Variants in ASB7 observed in about 807,000 individuals in gnomAD.
The protein encoded by ASB7 is ankyrin repeat and SOCS box protein 7.
A neutral mutation model predicts 32.5 loss-of-function variants in ASB7; 4 were observed. That is an observed-to-expected ratio of 0.12 (90% confidence interval 0.06 to 0.28). ASB7 has a LOEUF of 0.28. Ranked by LOEUF, ASB7 falls within the 10% of genes least tolerant of loss-of-function variation. ASB7 has a pLI of 1.00. For synonymous variants in ASB7, 172 were observed against 155.6 expected (o/e 1.11, Z -0.78); for missense variants, 181 against 407.1 (o/e 0.44, Z 4.78).
intron 2 of ASB7, among the ~76,000 whole-genome samples, chr15:100,604,810 T>C (rs539343604): frequency 1.3e-5 from 2 of 152,186 alleles, no homozygotes; most frequent in Non-Finnish European, 2.9e-5. Flanking sequence ...AGGCTAATTT[T>C]TATTATGTAA....
intron 4 of ASB7, among the ~76,000 whole-genome samples, chr15:100,616,860 C>A (rs1325569867): frequency 1.3e-5 from 2 of 152,190 alleles, no homozygotes; most frequent in African/African-American, 4.8e-5. Flanking sequence ...GTAGTCCTGG[C>A]TTATGACCTC....
intron 4 of ASB7, among the ~76,000 whole-genome samples, chr15:100,617,110 C>A (rs993111317): frequency 6.6e-6 from 1 of 152,194 alleles, no homozygotes; most frequent in Non-Finnish European, 1.5e-5. Context: ...CAGAGCTTTT[C>A]ACTTCCTTTC....
At chr15:100,622,318 A>C (rs546826422) in intron 4 of ASB7, among the ~76,000 whole-genome samples, 1 of 152,332 alleles carries the variant, frequency 6.6e-6, no homozygotes, top group East Asian at 1.9e-4. Flanking sequence ...GGACACAAAC[A>C]AATGGAAAGA....
chr15:100,610,364 A>G (rs898935882), intron 3 of ASB7, among the ~76,000 whole-genome samples: 6 of 152,016 alleles, frequency 3.9e-5, no homozygotes, highest in African/African-American at 1.4e-4. Context: ...GCGTGGTGGC[A>G]GGCGCCTGTA....
intron 4 of ASB7, among the ~76,000 whole-genome samples, chr15:100,618,177 C>G (rs1359533407): frequency 6.6e-6 from 1 of 152,094 alleles, no homozygotes; most frequent in Non-Finnish European, 1.5e-5. Context: ...AGTGCAGTGG[C>G]GTGATCTCAT....
rs115092319 is a variant in ASB7, at chr15:100,625,155, C to A, written c.212-4282C>A. Among the ~76,000 whole-genome samples the A allele has an allele frequency of 4.4e-3, 664 of 152,314 alleles. 2 individuals carry two copies. The highest frequency in any genetic ancestry group is 0.015 in the African/African-American group (629 of 41,566). On this transcript the variant is annotated intron_variant, in intron 4 of 5. Transcript: ENST00000332783. Reference sequence around the variant, plus strand: ...CGGGTGGTGAACTACTGAATTCTTTCCTTTTAAGATCAGGAACCAAGGGAA... The same window carrying A: ...CGGGTGGTGAACTACTGAATTCTTTACTTTTAAGATCAGGAACCAAGGGAA...
chr15:100,610,762 A>C (rs1024716682), intron 3 of ASB7, among the ~76,000 whole-genome samples: 1 of 152,214 alleles, frequency 6.6e-6, no homozygotes, highest in African/African-American at 2.4e-5. Flanking sequence ...GATTATCCTG[A>C]TATGTCTAAC....
At chr15:100,621,783 G>A (rs2039794349) in intron 4 of ASB7, among the ~76,000 whole-genome samples, 1 of 151,206 alleles carries the variant, frequency 6.6e-6, no homozygotes, top group African/African-American at 2.4e-5. Context: ...AAATGATAGA[G>A]AAGATAGATG....
chr15:100,620,876 G>T (rs1567113876), intron 4 of ASB7, among the ~76,000 whole-genome samples: 2 of 152,262 alleles, frequency 1.3e-5, no homozygotes, highest in East Asian at 1.9e-4. Context: ...CGGGCAGTTG[G>T]CTAAAGCTCC....
intron 5 of ASB7, among the ~76,000 whole-genome samples, chr15:100,637,987 A>G (rs893590307): frequency 3.3e-5 from 5 of 151,240 alleles, no homozygotes; most frequent in East Asian, 1.9e-4. Flanking sequence ...ATTTATTTCA[A>G]TTGATTGTGG....
At chr15:100,619,610 C>T (rs975204289) in intron 4 of ASB7, among the ~76,000 whole-genome samples, 6 of 152,176 alleles carry the variant, frequency 3.9e-5, no homozygotes, top group African/African-American at 1.2e-4. Flanking sequence ...ACATAGGTGT[C>T]TAATACCAGT....
intron 5 of ASB7, among the ~76,000 whole-genome samples, chr15:100,644,353 G>A (rs1289179418): frequency 6.6e-6 from 1 of 152,214 alleles, no homozygotes; most frequent in Non-Finnish European, 1.5e-5. Context: ...GTTTGCATTT[G>A]CAGATCAAAT....
At position 100,637,955 on chromosome 15, in the gene ASB7, CTTTT is replaced by C. The variant is rs541831373; in HGVS notation, c.817+7923_817+7926del. On this transcript the variant is annotated intron_variant, in intron 5 of 5. Transcript: ENST00000332783. ...ATCCTTTTTGTTTTGGAAAGCAGCT[CTTTT>C]TTTTTTTTTACATAAAAATTTATTT... 8.3e-3 allele frequency among the ~76,000 whole-genome samples: 1,132 copies of C among 136,834 alleles called. 22 individuals are homozygous for C. Among genetic ancestry groups the C allele is most frequent in the African/African-American group, 0.029 (1,070 of 36,332 alleles). 89.8% of individuals were successfully genotyped at this position (136,834 alleles called of 152,430 possible). A position where few individuals can be genotyped will look rare whatever the true frequency, so the allele number is the denominator to read the frequency against.
At chr15:100,604,861 G>C (rs1596994317) in intron 2 of ASB7, among the ~76,000 whole-genome samples, 1 of 152,174 alleles carries the variant, frequency 6.6e-6, no homozygotes, top group African/African-American at 2.4e-5. Context: ...GATTACTTCA[G>C]AACTTTTAAA....
intron 4 of ASB7, among the ~76,000 whole-genome samples, chr15:100,618,688 A>G (rs973116685): frequency 5.9e-5 from 9 of 152,102 alleles, no homozygotes; most frequent in South Asian, 2.1e-4. Context: ...ATATAGATAG[A>G]CAAGGTGGCC....
intron 5 of ASB7, among the ~76,000 whole-genome samples, chr15:100,642,941 C>T (rs2039971609): frequency 6.6e-6 from 1 of 152,300 alleles, no homozygotes; most frequent in African/African-American, 2.4e-5. Flanking sequence ...GAGGCTGAGG[C>T]AGGAGAATCG....
intron 2 of ASB7, among the ~76,000 whole-genome samples, chr15:100,609,167 A>G (rs929247854): frequency 1.3e-5 from 2 of 152,356 alleles, no homozygotes; most frequent in Admixed American, 1.3e-4. Context: ...CGGTGTATGC[A>G]TAAAGGAATA....
chr15:100,626,842 G>A (rs896931601), intron 4 of ASB7, among the ~76,000 whole-genome samples: 1 of 152,152 alleles, frequency 6.6e-6, no homozygotes, highest in African/African-American at 2.4e-5. Flanking sequence ...AGTGAAGTAA[G>A]TCAAACACAG....
At chr15:100,638,108 T>C (rs2039936925) in intron 5 of ASB7, among the ~76,000 whole-genome samples, 1 of 152,164 alleles carries the variant, frequency 6.6e-6, no homozygotes, top group African/African-American at 2.4e-5. Context: ...TCTCCAATTT[T>C]AAAAGTGCAA....
Sources: allele counts gnomAD v4.1 joint callset (sites outside exome capture counted in the v4.1 genomes callset), GRCh38; gene constraint gnomAD v4.1.1; transcripts MANE v1.5; gene names NCBI Gene and HGNC (gene_info 2026-07-23, HGNC 2026-07-21).